The following JAKMIP1 variants were observed in gnomAD, a reference collection of about 807,000 sequenced individuals.
JAKMIP1 encodes the protein janus kinase and microtubule-interacting protein 1.
JAKMIP1 carries 33 observed loss-of-function variants against 113.0 expected under a neutral mutation model. The ratio of observed to expected loss-of-function variants is 0.29; its 90% confidence interval spans 0.22 to 0.39. The LOEUF (loss-of-function observed/expected upper bound fraction) is 0.39, where lower values mean the gene tolerates loss of function less well. Ranked by LOEUF, JAKMIP1 falls within the 10% of genes least tolerant of loss-of-function variation. JAKMIP1 has a pLI of 1.00. For missense variants in JAKMIP1, 813 were observed against 1,080.5 expected (o/e 0.75, Z 3.47); for synonymous variants, 480 against 459.9 (o/e 1.04, Z -0.56).
In JAKMIP1 at chr4:6,178,770, C is replaced by G. The variant is rs529478807; in HGVS notation, c.-148+21483G>C. Among the ~76,000 whole-genome samples, 43 of 152,320 alleles carry G rather than the reference C, an allele frequency of 2.8e-4. 1 individual carries two copies. The highest frequency in any genetic ancestry group is 2.7e-3 in the Admixed American group (41 of 15,302). On this transcript the variant is annotated intron_variant, in intron 1 of 20. Coordinates refer to ENST00000409021, the MANE Select transcript of JAKMIP1 (RefSeq NM_001099433.2). The surrounding 1 kb of genome is among the most constrained non-coding windows in gnomAD (Gnocchi z 5.5). ...ACAGACTAATATACCCTACCAAATT[C>G]TCTAGGTCATGTCTCCAGAGAGGCT...
At chr4:6,182,208 A>G (rs1216871165) in intron 1 of JAKMIP1, among the ~76,000 whole-genome samples, 4 of 151,904 alleles carry the variant, frequency 2.6e-5, no homozygotes, top group Admixed American at 2.6e-4. Flanking sequence ...AGCTCAGTTC[A>G]AGACCAGCTT....
At position 6,051,132 on chromosome 4, in the gene JAKMIP1, G is replaced by A. The variant is rs978346695; in HGVS notation, c.1807-453C>T. On this transcript the variant is annotated intron_variant, in intron 13 of 20. Transcript: ENST00000409021. The surrounding 1 kb of genome is among the most constrained non-coding windows in gnomAD (Gnocchi z 5.0). ...GCTTTCATTCTGTAGACAAAGAGAA[G>A]GTGGTGGCCCAGGGAGGCTGTGTCT... is the stretch of plus-strand genomic sequence containing the variant. Among the ~76,000 whole-genome samples, 1 of 152,202 alleles carries A rather than the reference G, an allele frequency of 6.6e-6. No individual in the cohort carries two copies. The highest frequency in any genetic ancestry group is 1.5e-5 in the Non-Finnish European group (1 of 68,046).
At chr4:6,170,455 C>T (rs1724376652) in intron 1 of JAKMIP1, among the ~76,000 whole-genome samples, 1 of 151,410 alleles carries the variant, frequency 6.6e-6, no homozygotes, top group Non-Finnish European at 1.5e-5. Context: ...CCATCACCAT[C>T]ACCACCACCA....
At chr4:6,032,261 G>A (rs918855146) in intron 19 of JAKMIP1, among the ~76,000 whole-genome samples, 1 of 152,182 alleles carries the variant, frequency 6.6e-6, no homozygotes, top group Non-Finnish European at 1.5e-5. Context: ...GAATCCCCCA[G>A]GAACAACTTC....
At chr4:6,035,516 G>A (rs752801414) in intron 19 of JAKMIP1, among the ~76,000 whole-genome samples, 75 of 152,154 alleles carry the variant, frequency 4.9e-4, no homozygotes, top group African/African-American at 1.8e-3. Flanking sequence ...CCTACAACTG[G>A]TACAGCTTCT....
rs1015379675 is a variant in JAKMIP1 at position 6,031,371 on chromosome 4, C to T, written c.2380-1590G>A. 1.9e-4 allele frequency among the ~76,000 whole-genome samples: 29 copies of T among 152,002 alleles called. No homozygotes were observed. The highest frequency in any genetic ancestry group is 6.8e-4 in the African/African-American group (28 of 41,376). On this transcript the variant is annotated intron_variant, in intron 19 of 20. Coordinates refer to ENST00000409021, the MANE Select transcript of JAKMIP1 (RefSeq NM_001099433.2). This position sits in a 1 kb window ranked among gnomAD's most constrained non-coding sequence, Gnocchi z 4.4. ...GGTGGAGGTTGCGGTGAGCTGAGAT[C>T]GCGCCATTGCACTCCAGCCTGGGTG...
chr4:6,085,491 G>A lies in JAKMIP1; in HGVS notation c.763C>T (p.Arg255Trp), dbSNP rs780191148. 3 of 1,614,096 alleles carry A rather than the reference G, an allele frequency of 1.9e-6. No individual in the cohort carries two copies. The highest frequency in any genetic ancestry group is 2.2e-5 in the South Asian group (2 of 91,088). The change falls in exon 4 of 21, where the codon CGG (arginine) becomes TGG (tryptophan). Residue 255 changes from arginine to tryptophan, a missense_variant. Arg to Trp is a moderately radical substitution (Grantham distance 101). Coordinates refer to ENST00000409021, the MANE Select transcript of JAKMIP1 (RefSeq NM_001099433.2). ...TCTCTCTTTGGACTACTGTGGTGCC[G>A]CTCGGCCTCCTTGACCTGAACCAGC... ...EQLVQVKEAE[R>W]HHSSPKRELP...
rs1721967126 is a variant in JAKMIP1 at position 6,154,286 on chromosome 4, T to C, written c.-147-41289A>G. Among the ~76,000 whole-genome samples the C allele has an allele frequency of 6.6e-6, 1 of 152,146 alleles. No individual in the cohort carries two copies. The highest frequency in any genetic ancestry group is 1.5e-5 in the Non-Finnish European group (1 of 68,028). ...TTGCTCCTATTTTAGGCCATTGAAC[T>C]ACTTTAATAATTCGGTCATTTTCAC... On this transcript the variant is annotated intron_variant, in intron 1 of 20. Coordinates refer to ENST00000409021, the MANE Select transcript of JAKMIP1 (RefSeq NM_001099433.2). The surrounding 1 kb of genome is among the most constrained non-coding windows in gnomAD (Gnocchi z 4.2).
Position 6,069,609 on chromosome 4 carries a change from C to T in JAKMIP1, c.1303-4601G>A, listed in dbSNP as rs570306649. On this transcript the variant is annotated intron_variant, in intron 8 of 20. Transcript: ENST00000409021. The surrounding 1 kb of genome is among the most constrained non-coding windows in gnomAD (Gnocchi z 4.5). The stretch of plus-strand genomic sequence containing the variant: ...ACAAAAAGTTATTTAAAAAGTTAGC[C>T]GAGTATGGTGGCTGACGCCTGTAGT... Among the ~76,000 whole-genome samples the T allele has an allele frequency of 2.2e-4, 33 of 152,114 alleles. No individual in the cohort carries two copies. The highest frequency in any genetic ancestry group is 3.4e-3 in the Middle Eastern group (1 of 294).
At chr4:6,190,573 C>G (rs573690325) in intron 1 of JAKMIP1, among the ~76,000 whole-genome samples, 1 of 152,334 alleles carries the variant, frequency 6.6e-6, no homozygotes, top group South Asian at 2.1e-4. Flanking sequence ...AAGGAGAGGC[C>G]TGGGGAGGAA....
intron 8 of JAKMIP1, among the ~76,000 whole-genome samples, chr4:6,074,555 G>A (rs770043737): frequency 2.0e-5 from 3 of 152,212 alleles, no homozygotes; most frequent in Non-Finnish European, 4.4e-5. Context: ...TACCCATGGG[G>A]GACTGGTTCT....
At chr4:6,126,998 C>T (rs1414447630) in intron 1 of JAKMIP1, among the ~76,000 whole-genome samples, 1 of 151,932 alleles carries the variant, frequency 6.6e-6, no homozygotes, top group Non-Finnish European at 1.5e-5. Context: ...ACACATCATA[C>T]AGAAACCCAT....
At chr4:6,196,490 T>C (rs911627445) in intron 1 of JAKMIP1, among the ~76,000 whole-genome samples, 6 of 152,216 alleles carry the variant, frequency 3.9e-5, no homozygotes, top group Non-Finnish European at 8.8e-5. Flanking sequence ...CTGGGGTCAC[T>C]GTCTGAGCCT....
Position 6,040,796 on chromosome 4 carries a change from G to C in JAKMIP1, c.2098-80C>G, listed in dbSNP as rs1216866620. 3 of 1,123,236 alleles carry C rather than the reference G, an allele frequency of 2.7e-6. No homozygotes were observed. The African/African-American group carries it at 4.6e-5, about 17-fold the overall frequency. 69.6% of individuals were successfully genotyped at this position (1,123,236 alleles called of 1,614,324 possible). ...AGCTTCAGAGCCCGTTTGCTAGAGAGTGGCAGTCTCACCGAATTGGGGGCA... is the reference window on the plus strand; with the variant it reads ...AGCTTCAGAGCCCGTTTGCTAGAGACTGGCAGTCTCACCGAATTGGGGGCA... On this transcript the variant is annotated intron_variant, in intron 17 of 20. Transcript: ENST00000409021. This position sits in a 1 kb window ranked among gnomAD's most constrained non-coding sequence, Gnocchi z 5.8.
intron 13 of JAKMIP1, among the ~76,000 whole-genome samples, chr4:6,052,674 A>G (rs1715812750): frequency 6.7e-6 from 1 of 150,176 alleles, no homozygotes; most frequent in East Asian, 1.9e-4. Context: ...AAAAAAAAAA[A>G]GCCATTTTGT....
chr4:6,029,280 G>T (rs989353012), intron 20 of JAKMIP1, among the ~76,000 whole-genome samples: 8 of 152,224 alleles, frequency 5.3e-5, no homozygotes, highest in African/African-American at 1.9e-4. Flanking sequence ...TTCTGGGATG[G>T]GAGAGGCTGC....
chr4:6,054,009 T>G, intron 13 of JAKMIP1, 41 bp downstream of exon 13: 1 of 1,614,176 alleles, frequency 6.2e-7, no homozygotes, highest in Middle Eastern at 1.6e-4. Flanking sequence ...AAAGAGAATG[T>G]CTGCTCCGTT....
intron 1 of JAKMIP1, among the ~76,000 whole-genome samples, chr4:6,148,530 C>T (rs1416817610): frequency 6.6e-6 from 1 of 152,250 alleles, no homozygotes; most frequent in Non-Finnish European, 1.5e-5. Flanking sequence ...CCGGGCGCAT[C>T]CTCCTTTTCA....
At chr4:6,056,603 A>G (rs1716504266) in intron 12 of JAKMIP1, 94 bp downstream of exon 12, 4 of 927,600 alleles carry the variant, frequency 4.3e-6, no homozygotes, top group South Asian at 3.9e-5. Context: ...TGGAGTGCCC[A>G]AATGGCGCTG....
Sources: allele counts gnomAD v4.1 joint callset (sites outside exome capture counted in the v4.1 genomes callset), GRCh38; gene constraint gnomAD v4.1.1; non-coding constraint Gnocchi (gnomAD v3.1); transcripts MANE v1.5; gene names NCBI Gene and HGNC (gene_info 2026-07-23, HGNC 2026-07-21).